PRKCA: variants seen among roughly 807,000 people sequenced by gnomAD.
The protein encoded by PRKCA is protein kinase C alpha.
A neutral mutation model predicts 87.0 loss-of-function variants in PRKCA; 27 were observed. That is an observed-to-expected ratio of 0.31 (90% CI 0.23 to 0.43). The LOEUF is 0.43. Among genes scored for constraint, PRKCA ranks in the 20% least tolerant of loss-of-function variants. The probability of loss-of-function intolerance (pLI) is 1.00; values close to 1 mark genes in which losing one functional copy is unlikely to be tolerated. For synonymous variants in PRKCA, 329 were observed against 311.1 expected (o/e 1.06, Z -0.61); for missense variants, 518 against 852.3 (o/e 0.61, Z 4.88).
chr17:66,389,370 G>A (rs149676855), intron 2 of PRKCA, among the ~76,000 whole-genome samples: 30 of 152,332 alleles, frequency 2.0e-4, no homozygotes, highest in Middle Eastern at 3.4e-3. Flanking sequence ...AACAGCACGC[G>A]GGGTTCAGGC....
intron 2 of PRKCA, among the ~76,000 whole-genome samples, chr17:66,432,423 G>A (rs1294970751): frequency 6.6e-6 from 1 of 151,980 alleles, no homozygotes; most frequent in East Asian, 1.9e-4. Flanking sequence ...CTCCACATAC[G>A]CTTTTTGATG....
intron 3 of PRKCA, among the ~76,000 whole-genome samples, chr17:66,569,459 C>T (rs923872221): frequency 9.2e-5 from 14 of 152,106 alleles, no homozygotes; most frequent in African/African-American, 2.9e-4. Flanking sequence ...ATCCCAGCTA[C>T]CTGGGAGGCT....
intron 8 of PRKCA, among the ~76,000 whole-genome samples, chr17:66,725,013 T>C (rs1973708195): frequency 6.6e-6 from 1 of 152,206 alleles, no homozygotes; most frequent in Non-Finnish European, 1.5e-5. Context: ...CAAGCCAGAC[T>C]TCTCAGCAGA....
intron 13 of PRKCA, among the ~76,000 whole-genome samples, chr17:66,749,633 G>T (rs1045628070): frequency 2.0e-5 from 3 of 152,218 alleles, no homozygotes; most frequent in African/African-American, 7.2e-5. Flanking sequence ...GGTGTTGGCT[G>T]CTGTGCCCCT....
chr17:66,788,219 A>T (rs927435313), intron 15 of PRKCA, among the ~76,000 whole-genome samples: 1 of 152,232 alleles, frequency 6.6e-6, no homozygotes, highest in Non-Finnish European at 1.5e-5. Flanking sequence ...GTCACGTGTC[A>T]TCCAAGAGCA....
intron 3 of PRKCA, among the ~76,000 whole-genome samples, chr17:66,628,209 C>T (rs993578668): frequency 2.6e-5 from 4 of 152,026 alleles, no homozygotes; most frequent in Non-Finnish European, 5.9e-5. Flanking sequence ...ATTTTATGTT[C>T]ACCTCTTTGG....
rs192739854 is a variant in PRKCA, at chr17:66,427,030, A to G, written c.206-69171A>G. On this transcript the variant is annotated intron_variant, in intron 2 of 16. Transcript: ENST00000413366. ...TCCATGAGACACCAGCCACTTAAAA[A>G]AAAATTTTTTTTTTAATTTTTAAGA... Among the ~76,000 whole-genome samples the G allele has an allele frequency of 2.9e-3, 447 of 152,226 alleles. 7 individuals carry two copies. The highest frequency in any genetic ancestry group is 8.1e-4 in the Non-Finnish European group (55 of 68,012).
chr17:66,377,269 C>T (rs2143567079), intron 2 of PRKCA, among the ~76,000 whole-genome samples: 1 of 152,126 alleles, frequency 6.6e-6, no homozygotes, highest in African/African-American at 2.4e-5. Flanking sequence ...AGGTGATCCT[C>T]CTGCCTCAGC....
intron 2 of PRKCA, among the ~76,000 whole-genome samples, chr17:66,323,897 C>T (rs1490721726): frequency 6.6e-6 from 1 of 151,998 alleles, no homozygotes; most frequent in Non-Finnish European, 1.5e-5. Context: ...GCTGAGATCA[C>T]ACCACTGCAC....
intron 3 of PRKCA, among the ~76,000 whole-genome samples, chr17:66,555,479 T>G (rs1391449363): frequency 6.6e-6 from 1 of 152,174 alleles, no homozygotes; most frequent in Non-Finnish European, 1.5e-5. Flanking sequence ...CCACTTCACT[T>G]GGGCACCTTT....
intron 3 of PRKCA, among the ~76,000 whole-genome samples, chr17:66,586,521 A>G (rs1969603219): frequency 2.0e-5 from 3 of 152,156 alleles, no homozygotes; most frequent in Admixed American, 1.3e-4. Flanking sequence ...GAGCTTCTCC[A>G]TCCTTTCAAC....
chr17:66,742,667 C>T lies in PRKCA; in HGVS notation c.1431C>T (p.Ile477=). 1 of 1,614,116 alleles carries T rather than the reference C, an allele frequency of 6.2e-7. No individual in the cohort carries two copies. The highest frequency in any genetic ancestry group is 8.5e-7 in the Non-Finnish European group (1 of 1,179,998). Residue 477 remains isoleucine (I), a synonymous_variant, in exon 13 of 17, where the codon ATC becomes ATT. Coordinates refer to ENST00000413366, the MANE Select transcript of PRKCA (RefSeq NM_002737.3). ...DNVMLDSEGH[I]KIADFGMCKE... ...TCATGTTGGATTCAGAAGGACATAT[C>T]AAAATTGCTGACTTTGGGATGTGCA...
chr17:66,639,723 G>A (rs780338442), intron 3 of PRKCA, among the ~76,000 whole-genome samples: 5 of 152,202 alleles, frequency 3.3e-5, no homozygotes, highest in South Asian at 2.1e-4. Flanking sequence ...GAGGCTGGGC[G>A]CGGTGGCGCA....
chr17:66,565,877 G>A lies in PRKCA; in HGVS notation c.288+69594G>A, dbSNP rs1401729273. Among the ~76,000 whole-genome samples, 3 of 151,980 alleles carry A rather than the reference G, an allele frequency of 2.0e-5. No homozygotes were observed. In the East Asian group the frequency reaches 5.8e-4, roughly 29 times the overall value. Reference sequence around the variant, plus strand: ...GTATATTCATTTTAATGCTGTTTTTGAGTCCGTTGACTACCCCGGGAAATC... The same window carrying A: ...GTATATTCATTTTAATGCTGTTTTTAAGTCCGTTGACTACCCCGGGAAATC... On this transcript the variant is annotated intron_variant, in intron 3 of 16. Transcript: ENST00000413366.
chr17:66,707,089 C>T (rs1973211125), intron 8 of PRKCA, among the ~76,000 whole-genome samples: 1 of 152,128 alleles, frequency 6.6e-6, no homozygotes, highest in South Asian at 2.1e-4. Flanking sequence ...TATGACACCC[C>T]CTTTTCTGAC....
intron 2 of PRKCA, among the ~76,000 whole-genome samples, chr17:66,382,642 A>AG (rs1909826030): frequency 6.6e-6 from 1 of 152,230 alleles, no homozygotes; most frequent in Non-Finnish European, 1.5e-5. Flanking sequence ...ATAATAAGAC[A>AG]GAAAAAATAG....
intron 1 of PRKCA, among the ~76,000 whole-genome samples, chr17:66,305,477 G>C (rs1443594268): frequency 6.6e-6 from 1 of 152,190 alleles, no homozygotes; most frequent in African/African-American, 2.4e-5. Flanking sequence ...TCATGTACAA[G>C]AACAAAATAG....
At chr17:66,316,335 C>T (rs925889441) in intron 2 of PRKCA, among the ~76,000 whole-genome samples, 2 of 152,070 alleles carry the variant, frequency 1.3e-5, no homozygotes, top group African/African-American at 4.8e-5. Context: ...ATTTTCAGAA[C>T]AAAGTTACAA....
intron 2 of PRKCA, among the ~76,000 whole-genome samples, chr17:66,473,168 C>T (rs1915395682): frequency 6.6e-6 from 1 of 152,104 alleles, no homozygotes; most frequent in Non-Finnish European, 1.5e-5. Flanking sequence ...CGGGCTGCCT[C>T]CCCCGGTAGC....
Sources: gnomAD v4.1 joint callset for allele counts (sites outside exome capture counted in the v4.1 genomes callset) on GRCh38, gnomAD v4.1.1 for gene constraint, MANE v1.5 for transcripts, NCBI Gene and HGNC (gene_info 2026-07-23, HGNC 2026-07-21) for gene names.